Variants in CALR3 observed in about 807,000 individuals in gnomAD.
The protein encoded by CALR3 is calreticulin 3, also known as calreticulin-3.
CALR3 carries 39 observed loss-of-function variants against 48.7 expected under a neutral mutation model. The ratio of observed to expected loss-of-function variants is 0.80; its 90% CI spans 0.62 to 1.05. CALR3 has a LOEUF of 1.05. CALR3 is among the 50% of genes least tolerant of loss of function. CALR3 has a pLI of 0.00. For synonymous variants in CALR3, 185 were observed against 172.7 expected (o/e 1.07, Z -0.56); for missense variants, 449 against 474.7 (o/e 0.95, Z 0.50).
chr19:16,491,082 C>A (rs2093397234), intron 2 of CALR3, among the ~76,000 whole-genome samples: 1 of 149,862 alleles, frequency 6.7e-6, no homozygotes, highest in Non-Finnish European at 1.5e-5. Context: ...ATTTCACACA[C>A]CTGGAAGTTT....
intron 7 of CALR3, among the ~76,000 whole-genome samples, chr19:16,481,471 G>GTTTTTTT (rs71178696): frequency 2.5e-5 from 2 of 79,698 alleles, no homozygotes; most frequent in Non-Finnish European, 2.5e-5. Context: ...GTCTCGCTCT[G>GTTTTTTT]TTTTTTTTTT....
intron 2 of CALR3, among the ~76,000 whole-genome samples, chr19:16,494,292 C>T (rs1379528165): frequency 2.6e-5 from 4 of 152,154 alleles, no homozygotes; most frequent in Admixed American, 2.6e-4. Flanking sequence ...AAACTCCTGA[C>T]TTCAAGTAAT....
In CALR3 at chr19:16,482,662, C is replaced by G. The variant is rs1044659901; in HGVS notation, c.786+16G>C. 15 of 1,614,090 alleles carry G rather than the reference C, an allele frequency of 9.3e-6. No individual in the cohort carries two copies. Among genetic ancestry groups the G allele is most frequent in the Non-Finnish European group, 1.3e-5 (15 of 1,179,966 alleles). On this transcript the variant is annotated intron_variant, in intron 6 of 8. Transcript: ENST00000269881. Reference sequence around the variant, plus strand: ...GCCCTGGGGCATCCCTGGCATCATACAAAGAGGCCACACACCTGGTACGGG... The same window carrying G: ...GCCCTGGGGCATCCCTGGCATCATAGAAAGAGGCCACACACCTGGTACGGG...
At chr19:16,486,547 G>A (rs2093389368) in intron 3 of CALR3, among the ~76,000 whole-genome samples, 1 of 150,954 alleles carries the variant, frequency 6.6e-6, no homozygotes, top group Non-Finnish European at 1.5e-5. Context: ...TTGAACCTGG[G>A]AGGCGGAGGT....
intron 3 of CALR3, among the ~76,000 whole-genome samples, chr19:16,486,233 T>C (rs978596468): frequency 6.6e-6 from 1 of 151,736 alleles, no homozygotes; most frequent in African/African-American, 2.4e-5. Flanking sequence ...AGGGGATCAC[T>C]TGAACCCAGG....
At chr19:16,487,147 A>G (rs980031790) in intron 3 of CALR3, among the ~76,000 whole-genome samples, 5 of 151,726 alleles carry the variant, frequency 3.3e-5, no homozygotes, top group Non-Finnish European at 7.4e-5. Context: ...CTAGAACCAC[A>G]GGGGTGCGCC....
Position 16,479,241 on chromosome 19 carries a change from T to C in CALR3, c.1045A>G (p.Lys349Glu). The part of the protein sequence containing the change: ...PEREMDAIQA[K>E]EEMKKAREEE... ...TCGCGGGCCTTCTTCATTTCCTCCT[T>C]GGCCTGTATGGCATCCATCTCCCTT... The change falls in exon 9 of 9, where the codon AAG becomes GAG. Residue 349 changes from lysine to glutamate, a missense_variant. By Grantham distance (56) the Lys-to-Glu change is moderately conservative. Transcript: ENST00000269881. The C allele has an allele frequency of 2.5e-6, 4 of 1,614,060 alleles. No homozygotes were observed. In the South Asian group the frequency reaches 3.3e-5, roughly 13 times the overall value.
Position 16,495,826 on chromosome 19 carries a change from A to C in CALR3, c.118T>G (p.Ser40Ala). Residue 40 changes from serine (S) to alanine (A), a missense_variant, in exon 2 of 9, where the codon TCC (serine) becomes GCC (alanine). Coordinates refer to ENST00000269881, the MANE Select transcript of CALR3 (RefSeq NM_145046.5). ...TGCCCAAATCGGGAGTCATTGGTGG[A>C]CTGCAACCATCGGTTTCTCCAATGC... is the stretch of plus-strand genomic sequence containing the variant. ...GEHWRNRWLQ[S>A]TNDSRFGHFR... The C allele has an allele frequency of 6.2e-7, 1 of 1,614,138 alleles. No individual in the cohort carries two copies. The highest frequency in any genetic ancestry group is 8.5e-7 in the Non-Finnish European group (1 of 1,180,016).
At chr19:16,483,809 A>G (rs1019856459) in intron 5 of CALR3, 121 bp downstream of exon 5, 15 of 902,740 alleles carry the variant, frequency 1.7e-5, no homozygotes. Flanking sequence ...TGCTCTGGGG[A>G]GGGCATTTGG....
In CALR3 at chr19:16,483,963, C is replaced by T; in HGVS notation, c.645G>A (p.Lys215=). 1 of 1,614,000 alleles carries T rather than the reference C, an allele frequency of 6.2e-7. No individual in the cohort carries two copies. ...LKKETSPAES[K]DWEQTKDNKA... ...TGTTGTCTTTAGTCTGTTCCCAATC[C>T]TTCGATTCTGCCGGGGACGTTTCCT... Residue 215 remains lysine (K), a synonymous_variant, in exon 5 of 9, where the codon AAG becomes AAA. Transcript: ENST00000269881.
chr19:16,495,986 G>T (rs2093407628), intron 1 of CALR3, 53 bp downstream of exon 1: 2 of 1,563,860 alleles, frequency 1.3e-6, no homozygotes, highest in Admixed American at 3.8e-5. Flanking sequence ...CAGCCTTAGG[G>T]GGCGGAGATG....
chr19:16,492,769 G>A (rs1256787505), intron 2 of CALR3, among the ~76,000 whole-genome samples: 9 of 150,584 alleles, frequency 6.0e-5, no homozygotes, highest in Non-Finnish European at 1.3e-4. Flanking sequence ...CTACTCGGCA[G>A]AAGAATGGCG....
In CALR3 at chr19:16,495,831, A is replaced by C. The variant is rs780211279; in HGVS notation, c.113T>G (p.Leu38Trp). Residue 38 changes from leucine (L) to tryptophan (W), a missense_variant, in exon 2 of 9, where the codon TTG (leucine) becomes TGG (tryptophan). Physicochemically the swap from Leu to Trp is moderately conservative, Grantham distance 61. Coordinates refer to ENST00000269881, the MANE Select transcript of CALR3 (RefSeq NM_145046.5). ...AAATCGGGAGTCATTGGTGGACTGC[A>C]ACCATCGGTTTCTCCAATGCTCTGT... ...LDGEHWRNRW[L>W]QSTNDSRFGH... 3 of 1,614,140 alleles carry C rather than the reference A, an allele frequency of 1.9e-6. No individual in the cohort carries two copies. The highest frequency in any genetic ancestry group is 3.3e-5 in the Admixed American group (2 of 60,002).
chr19:16,480,180 G>C lies in CALR3; in HGVS notation c.1011+434C>G, dbSNP rs184358603. On this transcript the variant is annotated intron_variant, in intron 8 of 8. Transcript: ENST00000269881. ...TCACGCCACTGTACTTCAGCCTGGC[G>C]ACAGAGCGAGACTCCGTCTCAAAAA... Among the ~76,000 whole-genome samples the C allele has an allele frequency of 4.7e-4, 59 of 126,720 alleles. 1 individual carries two copies. The highest frequency in any genetic ancestry group is 1.7e-3 in the African/African-American group (56 of 32,384). 83.1% of individuals were successfully genotyped at this position (126,720 alleles called of 152,430 possible).
intron 5 of CALR3, chr19:16,483,615 G>GACT: frequency 7.1e-6 from 2 of 280,468 alleles, no homozygotes; most frequent in Non-Finnish European, 1.4e-5. Flanking sequence ...GTATTCGGGA[G>GACT]GCTGAGGCAG....
At position 16,496,031 on chromosome 19, in the gene CALR3, C is replaced by CTAGAAATT. The variant is rs769517111; in HGVS notation, c.91+7_91+8insAATTTCTA. 1 of 1,587,482 alleles carries CTAGAAATT rather than the reference C, an allele frequency of 6.3e-7. No individual in the cohort carries two copies. The highest frequency in any genetic ancestry group is 1.1e-5 in the South Asian group (1 of 88,174). The stretch of plus-strand genomic sequence containing the variant: ...ACACCTCCGCCACCACGGGCGTGGC[C>CTAGAAATT]CCTTCACCTCCGTCTAGAAATTCCT... On this transcript the variant is annotated splice_region_variant and intron_variant, in intron 1 of 8. Transcript: ENST00000269881.
At chr19:16,487,483 A>C (rs1469732485) in intron 3 of CALR3, among the ~76,000 whole-genome samples, 1 of 149,774 alleles carries the variant, frequency 6.7e-6, no homozygotes, top group Non-Finnish European at 1.5e-5. Flanking sequence ...TGTCTCCACA[A>C]AAAAAAAAAA....
chr19:16,496,113 A>G lies in CALR3; in HGVS notation c.17T>C (p.Val6Ala), dbSNP rs1414994481. ...CAGCATGCATATGGCCCAGAGCTGG[A>G]CCAAAGCCCGGGCCATGGGGGTGTG... MARAL[V>A]QLWAICMLRV... Residue 6 changes from valine to alanine, a missense_variant, in exon 1 of 9, where the codon GTC becomes GCC. By Grantham distance (64) the Val-to-Ala change is moderately conservative. Coordinates refer to ENST00000269881, the MANE Select transcript of CALR3 (RefSeq NM_145046.5). 2 of 1,604,362 alleles carry G rather than the reference A, an allele frequency of 1.2e-6. No homozygotes were observed. Among genetic ancestry groups the G allele is most frequent in the Admixed American group, 1.7e-5 (1 of 58,882 alleles).
chr19:16,482,990 G>A (rs1053196719), intron 5 of CALR3, among the ~76,000 whole-genome samples: 49 of 151,862 alleles, frequency 3.2e-4, no homozygotes, highest in African/African-American at 1.1e-3. Context: ...GACTACAGGC[G>A]CCCGCCATCA....
Sources: gnomAD v4.1 joint callset for allele counts (sites outside exome capture counted in the v4.1 genomes callset) on GRCh38, gnomAD v4.1.1 for gene constraint, MANE v1.5 for transcripts, NCBI Gene and HGNC (gene_info 2026-07-23, HGNC 2026-07-21) for gene names.